UTRN: variants seen among roughly 807,000 people sequenced by gnomAD.
The protein encoded by UTRN is utrophin.
A neutral mutation model predicts 463.9 loss-of-function variants in UTRN; 283 were observed. That is an observed-to-expected ratio of 0.61 (90% CI 0.55 to 0.67). The LOEUF (loss-of-function observed/expected upper bound fraction) is 0.67. UTRN is among the 30% of genes least tolerant of loss of function. UTRN has a pLI of 0.00. For missense variants in UTRN, 3,922 were observed against 4,084.3 expected, an observed-to-expected ratio of 0.96 and a Z score of 1.08; for synonymous variants, 1,442 against 1,431.5, an observed-to-expected ratio of 1.01 and a Z score of -0.17.
rs1792019787 is a variant in UTRN, at chr6:144,482,673, A to T, written c.3687+285A>T. 2.0e-5 allele frequency among the ~76,000 whole-genome samples: 3 copies of T among 152,200 alleles called. No homozygotes were observed. The South Asian group carries it at 6.2e-4, about 31-fold the overall frequency. On this transcript the variant is annotated intron_variant, in intron 27 of 74. Transcript: ENST00000367545. Reference sequence around the variant, plus strand: ...TGTATATTCAAACTTTACTTTTTTTATAGGTGCAATCCAGGTTTTCATGTA... The same window carrying T: ...TGTATATTCAAACTTTACTTTTTTTTTAGGTGCAATCCAGGTTTTCATGTA...
chr6:144,568,411 T>C (rs1800619972), intron 50 of UTRN, among the ~76,000 whole-genome samples: 1 of 152,182 alleles, frequency 6.6e-6, no homozygotes, highest in African/African-American at 2.4e-5. Flanking sequence ...AATCATTTCT[T>C]TTCCTGTAAC....
At chr6:144,598,670 G>A (rs939553021) in intron 51 of UTRN, among the ~76,000 whole-genome samples, 4 of 152,224 alleles carry the variant, frequency 2.6e-5, no homozygotes, top group East Asian at 1.9e-4. Flanking sequence ...TTCTTTCAGG[G>A]CCTGCTATCT....
intron 66 of UTRN, among the ~76,000 whole-genome samples, chr6:144,827,101 T>C (rs767048030): frequency 4.3e-4 from 66 of 152,176 alleles, no homozygotes; most frequent in Non-Finnish European, 7.2e-4. Flanking sequence ...AAGATGTGTT[T>C]GCTATCCTTG....
At position 144,781,866 on chromosome 6, in the gene UTRN, TATGTA is replaced by T. The variant is rs527712545; in HGVS notation, c.8633-37_8633-33del. On this transcript the variant is annotated intron_variant, in intron 60 of 74. Transcript: ENST00000367545. ...AGAAATGCCTTTGTTGTGATGTTGT[TATGTA>T]ATGTAATGTAATGTAATGACTGTAA... 625 of 1,321,126 alleles carry T rather than the reference TATGTA, an allele frequency of 4.7e-4. 4 individuals are homozygous for T. In the African/African-American group the frequency reaches 5.0e-3, roughly 11 times the overall value. 81.8% of individuals were successfully genotyped at this position (1,321,126 alleles called of 1,614,324 possible). A position where few individuals can be genotyped will look rare whatever the true frequency, so the allele number is the denominator to read the frequency against.
intron 52 of UTRN, among the ~76,000 whole-genome samples, chr6:144,690,725 C>T (rs1391921326): frequency 1.3e-5 from 2 of 152,106 alleles, no homozygotes; most frequent in Non-Finnish European, 2.9e-5. Flanking sequence ...GATGTGGTTC[C>T]TTCTCATCTA....
At chr6:144,799,842 A>G (rs1256199373) in intron 64 of UTRN, among the ~76,000 whole-genome samples, 1 of 152,176 alleles carries the variant, frequency 6.6e-6, no homozygotes, top group Non-Finnish European at 1.5e-5. Context: ...CAAATCCAGA[A>G]CCCTTTGGTT....
chr6:144,824,410 A>G (rs1368358225), intron 66 of UTRN, among the ~76,000 whole-genome samples: 3 of 58,602 alleles, frequency 5.1e-5, no homozygotes, highest in Non-Finnish European at 8.2e-5. Context: ...AAACCATTAT[A>G]TATATATATA....
chr6:144,403,037 C>T (rs1227052482), intron 2 of UTRN, 86 bp from the exon 3 acceptor site: 2 of 1,250,994 alleles, frequency 1.6e-6, no homozygotes, highest in Non-Finnish European at 2.3e-6. Flanking sequence ...TTTAAACTCT[C>T]CAGGATAGAG....
chr6:144,524,499 T>G (rs1314902168), intron 41 of UTRN, among the ~76,000 whole-genome samples: 2 of 152,132 alleles, frequency 1.3e-5, no homozygotes, highest in Admixed American at 1.3e-4. Flanking sequence ...TTATTTTCAT[T>G]TTTAAATTTT....
At chr6:144,804,354 G>T (rs1777959010) in intron 65 of UTRN, among the ~76,000 whole-genome samples, 1 of 152,130 alleles carries the variant, frequency 6.6e-6, no homozygotes, top group African/African-American at 2.4e-5. Flanking sequence ...AAGAAAATTT[G>T]TGAGACATCA....
chr6:144,484,262 C>A (rs1434276061), intron 27 of UTRN, among the ~76,000 whole-genome samples: 5 of 152,028 alleles, frequency 3.3e-5, no homozygotes, highest in Non-Finnish European at 7.4e-5. Context: ...CTTATATTGA[C>A]ATGTCCTCAT....
intron 51 of UTRN, among the ~76,000 whole-genome samples, chr6:144,585,092 A>G (rs1198904122): frequency 6.6e-6 from 1 of 152,142 alleles, no homozygotes; most frequent in Non-Finnish European, 1.5e-5. Context: ...AGTGCAAAAG[A>G]TGAAACAGCA....
chr6:144,516,380 A>G lies in UTRN; in HGVS notation c.5396A>G (p.Asp1799Gly). The G allele has an allele frequency of 2.5e-6, 4 of 1,612,704 alleles. No homozygotes were observed. The highest frequency in any genetic ancestry group is 1.3e-5 in the African/African-American group (1 of 74,952). Residue 1799 changes from aspartate to glycine, a missense_variant, in exon 38 of 75, where the codon GAT (aspartate) becomes GGT (glycine). By Grantham distance (94) the Asp-to-Gly change is moderately conservative (BLOSUM62 -1). Transcript: ENST00000367545. ...AAACACTTGGAATCCAGTGATGAAGATGAAAAGGTTGGTTCAAGGAGATTT... is the reference window on the plus strand; with the variant it reads ...AAACACTTGGAATCCAGTGATGAAGGTGAAAAGGTTGGTTCAAGGAGATTT... ...VEKHLESSDE[D>G]EKMDEESAQI...
chr6:144,699,366 G>A (rs986278085), intron 52 of UTRN, among the ~76,000 whole-genome samples: 2 of 151,380 alleles, frequency 1.3e-5, no homozygotes, highest in African/African-American at 2.4e-5. Context: ...TTTGAACCCA[G>A]GAGGCAGAGG....
intron 53 of UTRN, among the ~76,000 whole-genome samples, chr6:144,728,995 CTT>C (rs1788228940): frequency 6.6e-6 from 1 of 152,194 alleles, no homozygotes; most frequent in African/African-American, 2.4e-5. Flanking sequence ...CATGTTATGA[CTT>C]ATCTCCTCTA....
At chr6:144,391,602 C>A (rs1333287894) in intron 2 of UTRN, among the ~76,000 whole-genome samples, 1 of 152,150 alleles carries the variant, frequency 6.6e-6, no homozygotes, top group Non-Finnish European at 1.5e-5. Context: ...AAAAACAGTT[C>A]ATACAGCTTG....
chr6:144,324,297 G>A lies in UTRN; in HGVS notation c.79+32390G>A, dbSNP rs12662914. ...CATGAAGTAAAAGTAAGTCTGCATC[G>A]AGGTCCCCAAAAAGCAACTGTAATT... On this transcript the variant is annotated intron_variant, in intron 2 of 74. Coordinates refer to ENST00000367545, the MANE Select transcript of UTRN (RefSeq NM_007124.3). Among the ~76,000 whole-genome samples the A allele has an allele frequency of 9.9e-3, 1,510 of 152,058 alleles. 121 individuals carry two copies. The East Asian group carries it at 0.2, about 20-fold the overall frequency.
rs1319076272 is a variant in UTRN at position 144,399,922 on chromosome 6, T to C, written c.80-3201T>C. Among the ~76,000 whole-genome samples the C allele has an allele frequency of 2.6e-5, 4 of 152,194 alleles. No homozygotes were observed. The East Asian group carries it at 5.8e-4, about 22-fold the overall frequency. ...AATAAAATCCCAGGCTAGGCAGCAG[T>C]GAAGGCCTTTGGATCTGTGTGAGCA... On this transcript the variant is annotated intron_variant, in intron 2 of 74. Coordinates refer to ENST00000367545, the MANE Select transcript of UTRN (RefSeq NM_007124.3).
intron 2 of UTRN, chr6:144,330,865 T>G (rs1240485796): frequency 1.0e-6 from 1 of 985,282 alleles, no homozygotes; most frequent in Non-Finnish European, 1.2e-6. Flanking sequence ...CAAAGCACAT[T>G]CTCCAGCCGA....
Sources: gnomAD v4.1 joint callset for allele counts (sites outside exome capture counted in the v4.1 genomes callset) on GRCh38, gnomAD v4.1.1 for gene constraint, MANE v1.5 for transcripts, NCBI Gene and HGNC (gene_info 2026-07-23, HGNC 2026-07-21) for gene names.